Variants in MTHFD1L observed in about 807,000 individuals in gnomAD.
MTHFD1L encodes monofunctional C1-tetrahydrofolate synthase, mitochondrial.
In MTHFD1L, 81 loss-of-function variants were observed where a neutral mutation model predicts 119.5. The ratio of observed to expected loss-of-function variants is 0.68; its 90% confidence interval spans 0.57 to 0.82. The LOEUF (loss-of-function observed/expected upper bound fraction) is 0.82, where lower values mean the gene tolerates loss of function less well. Among genes scored for constraint, MTHFD1L ranks in the 40% least tolerant of loss-of-function variants. The pLI is 0.00. For synonymous variants in MTHFD1L, 430 were observed against 475.2 expected (o/e 0.90, Z 1.24); for missense variants, 1,125 against 1,253.4 (o/e 0.90, Z 1.55).
chr6:150,877,210 G>A (rs771323665), intron 2 of MTHFD1L, among the ~76,000 whole-genome samples: 8 of 152,024 alleles, frequency 5.3e-5, no homozygotes, highest in South Asian at 2.1e-4. Context: ...GCACCATCAC[G>A]CCGGGCTAAT....
chr6:151,067,202 C>G (rs1791407684), intron 26 of MTHFD1L, among the ~76,000 whole-genome samples: 1 of 152,040 alleles, frequency 6.6e-6, no homozygotes, highest in Non-Finnish European at 1.5e-5. Flanking sequence ...CCACGTTGGT[C>G]AGGCTGGTCT....
chr6:150,901,414 G>T (rs1785081380), intron 7 of MTHFD1L, among the ~76,000 whole-genome samples: 1 of 152,236 alleles, frequency 6.6e-6, no homozygotes, highest in Admixed American at 6.5e-5. Flanking sequence ...AGTCAGGGCT[G>T]CAGTGAGCTG....
chr6:151,031,882 A>C (rs73620664), intron 24 of MTHFD1L, among the ~76,000 whole-genome samples: 10,105 of 152,230 alleles, frequency 0.066, 599 homozygotes, highest in African/African-American at 0.15. Flanking sequence ...TGGTAGGAAT[A>C]TAATTTTATT....
intron 20 of MTHFD1L, among the ~76,000 whole-genome samples, chr6:150,981,008 T>C (rs1405667790): frequency 1.3e-5 from 2 of 152,118 alleles, no homozygotes; most frequent in African/African-American, 4.8e-5. Flanking sequence ...GTCCATTTAT[T>C]AAATAGGTCC....
intron 26 of MTHFD1L, among the ~76,000 whole-genome samples, chr6:151,040,228 C>G (rs1051221804): frequency 3.9e-5 from 6 of 152,224 alleles, no homozygotes; most frequent in African/African-American, 1.4e-4. Flanking sequence ...TTCATTCACT[C>G]GGCCAATGCT....
intron 24 of MTHFD1L, among the ~76,000 whole-genome samples, chr6:151,024,396 G>T (rs967873192): frequency 3.3e-5 from 5 of 152,070 alleles, no homozygotes; most frequent in African/African-American, 1.2e-4. Context: ...TTAAAAATTA[G>T]CCAGGCATAG....
At chr6:150,999,536 A>G (rs929017874) in intron 20 of MTHFD1L, among the ~76,000 whole-genome samples, 2 of 152,218 alleles carry the variant, frequency 1.3e-5, no homozygotes, top group African/African-American at 2.4e-5. Context: ...CTACAAGAAC[A>G]TGGGAACTAT....
intron 11 of MTHFD1L, among the ~76,000 whole-genome samples, chr6:150,936,247 G>A (rs1792032090): frequency 6.6e-6 from 1 of 152,170 alleles, no homozygotes; most frequent in Admixed American, 6.5e-5. Flanking sequence ...CCACCCCAGA[G>A]GTCATGACCT....
chr6:150,890,787 C>G lies in MTHFD1L; in HGVS notation c.780+2806C>G, dbSNP rs537469072. 1.5e-4 allele frequency among the ~76,000 whole-genome samples: 23 copies of G among 152,216 alleles called. No homozygotes were observed. The South Asian group carries it at 4.6e-3, about 30-fold the overall frequency. On this transcript the variant is annotated intron_variant, in intron 7 of 27. Transcript: ENST00000367321. ...AGGAAAGTATAACTTGGAAGAGAGC[C>G]AAGCAGGCGACTTGAAAAACCAAGT...
chr6:151,066,437 CAAA>C (rs35065800), intron 26 of MTHFD1L, among the ~76,000 whole-genome samples: 4 of 50,708 alleles, frequency 7.9e-5, no homozygotes, highest in African/African-American at 2.3e-4. Context: ...GACTCCATCT[CAAA>C]AAAAAAAAAA....
At chr6:150,964,026 G>A (rs535186872) in intron 18 of MTHFD1L, among the ~76,000 whole-genome samples, 30 of 152,290 alleles carry the variant, frequency 2.0e-4, no homozygotes, top group Admixed American at 5.2e-4. Context: ...AAAATTAGCC[G>A]TGTGTGGTGG....
At chr6:150,900,520 C>T (rs941490693) in intron 7 of MTHFD1L, among the ~76,000 whole-genome samples, 14 of 152,332 alleles carry the variant, frequency 9.2e-5, no homozygotes, top group Non-Finnish European at 1.5e-4. Context: ...CCCGCATCCG[C>T]ATGCTCCCAG....
rs528169512 is a variant in MTHFD1L at position 150,909,876 on chromosome 6, G to T, written c.892+4115G>T. Among the ~76,000 whole-genome samples, 7 of 152,268 alleles carry T rather than the reference G, an allele frequency of 4.6e-5. No homozygotes were observed. In the South Asian group the frequency reaches 1.2e-3, roughly 27 times the overall value. On this transcript the variant is annotated intron_variant, in intron 8 of 27. Transcript: ENST00000367321. ...ACTTTCTCTCGTATGGCTCTGAAGG[G>T]AGACATTAGAACTTACTGGAGGCTG...
intron 24 of MTHFD1L, among the ~76,000 whole-genome samples, chr6:151,017,638 C>A (rs1035252294): frequency 1.3e-5 from 2 of 152,104 alleles, no homozygotes; most frequent in African/African-American, 4.8e-5. Flanking sequence ...AGCCACCGCG[C>A]CCGGCCAGAA....
chr6:150,994,731 T>C (rs1050333112), intron 20 of MTHFD1L, among the ~76,000 whole-genome samples: 2 of 152,188 alleles, frequency 1.3e-5, no homozygotes, highest in Admixed American at 1.3e-4. Flanking sequence ...GACTCAGTCT[T>C]ACAGTGGAAG....
Position 150,919,451 on chromosome 6 carries a change from C to T in MTHFD1L, c.984+783C>T, listed in dbSNP as rs184083811. Among the ~76,000 whole-genome samples, 243 of 152,214 alleles carry T rather than the reference C, an allele frequency of 1.6e-3. 1 individual carries two copies. Among genetic ancestry groups the T allele is most frequent in the African/African-American group, 5.5e-3 (229 of 41,552 alleles). On this transcript the variant is annotated intron_variant, in intron 9 of 27. Coordinates refer to ENST00000367321, the MANE Select transcript of MTHFD1L (RefSeq NM_015440.5). ...TGTCGGCCAGGCTGGTCTCAAACTC[C>T]TGGCCTCATGTGATCCACCCGCCTT...
intron 20 of MTHFD1L, among the ~76,000 whole-genome samples, chr6:150,988,438 A>G (rs907338590): frequency 2.0e-5 from 3 of 152,226 alleles, no homozygotes; most frequent in Non-Finnish European, 4.4e-5. Context: ...TGGTATAATT[A>G]CAATATTGTG....
intron 11 of MTHFD1L, 64 bp from the exon 12 acceptor site, chr6:150,936,740 C>T (rs759898129): frequency 3.0e-5 from 47 of 1,559,880 alleles, no homozygotes; most frequent in Non-Finnish European, 3.5e-5. Context: ...CTGGTGTCTT[C>T]GGCTGGTTTT....
chr6:150,866,481 G>T (rs1778344430), intron 1 of MTHFD1L: 2 of 1,318,018 alleles, frequency 1.5e-6, no homozygotes, highest in South Asian at 2.0e-5. Context: ...GCTGGCCCGG[G>T]GTTCGGGAAG....
Sources: allele counts gnomAD v4.1 joint callset (sites outside exome capture counted in the v4.1 genomes callset), GRCh38; gene constraint gnomAD v4.1.1; transcripts MANE v1.5; gene names NCBI Gene and HGNC (gene_info 2026-07-23, HGNC 2026-07-21).